The following SERAC1 variants were observed in gnomAD, a reference collection of about 807,000 sequenced individuals.
SERAC1 encodes the protein serine active site containing 1, also known as protein SERAC1.
A neutral mutation model predicts 85.7 loss-of-function variants in SERAC1; 36 were observed. That is an observed-to-expected ratio of 0.42 (90% confidence interval 0.32 to 0.55). SERAC1 has a LOEUF of 0.55. SERAC1 is among the 20% of genes least tolerant of loss of function. SERAC1 has a pLI of 0.11. For synonymous variants in SERAC1, 242 were observed against 265.3 expected (o/e 0.91, Z 0.85); for missense variants, 629 against 796.2 (o/e 0.79, Z 2.53).
intron 12 of SERAC1, among the ~76,000 whole-genome samples, chr6:158,118,358 G>A (rs995601714): frequency 6.6e-6 from 1 of 152,170 alleles, no homozygotes; most frequent in Non-Finnish European, 1.5e-5. Flanking sequence ...CTATTCACAC[G>A]TATATGCAGC....
At chr6:158,165,557 C>G (rs953300102) in intron 1 of SERAC1, among the ~76,000 whole-genome samples, 1 of 152,172 alleles carries the variant, frequency 6.6e-6, no homozygotes, top group Non-Finnish European at 1.5e-5. Context: ...ACTTGGATGT[C>G]CAACAGGCCT....
chr6:158,149,207 T>A (rs1442354303), intron 4 of SERAC1, among the ~76,000 whole-genome samples: 29 of 152,176 alleles, frequency 1.9e-4, no homozygotes, highest in Non-Finnish European at 1.5e-5. Flanking sequence ...TTAGCCAGGA[T>A]GGTCTTGATC....
chr6:158,131,078 A>G (rs893698352), intron 8 of SERAC1, among the ~76,000 whole-genome samples: 2 of 151,934 alleles, frequency 1.3e-5, no homozygotes, highest in Non-Finnish European at 2.9e-5. Context: ...ACATAAATAA[A>G]AACATTTCAA....
chr6:158,144,349 T>C lies in SERAC1; in HGVS notation c.559A>G (p.Ser187Gly). 1 of 1,612,202 alleles carries C rather than the reference T, an allele frequency of 6.2e-7. No homozygotes were observed. The highest frequency in any genetic ancestry group is 1.3e-5 in the African/African-American group (1 of 74,988). Residue 187 changes from serine (S) to glycine (G), a missense_variant, in exon 7 of 17, where the codon AGT (serine) becomes GGT (glycine). Physicochemically the swap from Ser to Gly is moderately conservative, Grantham distance 56 (BLOSUM62 0). Transcript: ENST00000647468. ...TLIGLARSEESDLRFFLLPPP... is the reference protein window; with the variant it reads ...TLIGLARSEEGDLRFFLLPPP... ...GGTAGGAGAAAAAAGCGAAGATCAC[T>C]CTCTTCGCTTCGTGCCAAACCAATA...
chr6:158,131,059 CAT>C (rs1046489901), intron 8 of SERAC1, among the ~76,000 whole-genome samples: 1 of 151,920 alleles, frequency 6.6e-6, no homozygotes, highest in Non-Finnish European at 1.5e-5. Context: ...CTATTTCTAA[CAT>C]ATTAAAACAT....
intron 8 of SERAC1, among the ~76,000 whole-genome samples, chr6:158,141,334 G>A (rs1784910636): frequency 6.6e-6 from 1 of 152,134 alleles, no homozygotes; most frequent in Non-Finnish European, 1.5e-5. Context: ...TTTGGGGGAT[G>A]GTGAAAATAT....
At position 158,117,267 on chromosome 6, in the gene SERAC1, G is replaced by A. The variant is rs1784311373; in HGVS notation, c.1403+460C>T. The A allele has an allele frequency of 2.2e-5, 11 of 505,202 alleles. No individual in the cohort carries two copies. Among genetic ancestry groups the A allele is most frequent in the South Asian group, 8.9e-5 (3 of 33,864 alleles). 31.3% of individuals were successfully genotyped at this position (505,202 alleles called of 1,614,324 possible). A position where few individuals can be genotyped will look rare whatever the true frequency, so the allele number is the denominator to read the frequency against. On this transcript the variant is annotated intron_variant, in intron 13 of 16. Transcript: ENST00000647468. This position sits in a 1 kb window ranked among gnomAD's most constrained non-coding sequence, Gnocchi z 4.3. Reference sequence around the variant, plus strand: ...GCACAGCAAATCAAAGGTAGGATCCGGCTACTCTCAGTCCAGTAACTCTGA... The same window carrying A: ...GCACAGCAAATCAAAGGTAGGATCCAGCTACTCTCAGTCCAGTAACTCTGA...
chr6:158,151,658 C>A (rs1785207765), intron 3 of SERAC1, among the ~76,000 whole-genome samples: 1 of 152,138 alleles, frequency 6.6e-6, no homozygotes, highest in African/African-American at 2.4e-5. Flanking sequence ...ATCTCCTGAC[C>A]TTGTGATCCA....
intron 3 of SERAC1, among the ~76,000 whole-genome samples, chr6:158,150,866 C>A (rs955847191): frequency 1.3e-5 from 2 of 152,178 alleles, no homozygotes; most frequent in African/African-American, 4.8e-5. Context: ...ACACATTACT[C>A]ACGTTTGTGG....
chr6:158,163,309 T>C (rs1051197922), intron 1 of SERAC1, among the ~76,000 whole-genome samples: 7 of 152,352 alleles, frequency 4.6e-5, no homozygotes, highest in African/African-American at 1.7e-4. Flanking sequence ...ACACGAGATA[T>C]ATGAGGTTGC....
chr6:158,123,826 A>G (rs1784473800), intron 10 of SERAC1, among the ~76,000 whole-genome samples: 1 of 152,212 alleles, frequency 6.6e-6, no homozygotes, highest in Admixed American at 6.5e-5. Flanking sequence ...GAATAAAAAG[A>G]GTGATGGATT....
At chr6:158,122,903 C>T (rs909603156) in intron 10 of SERAC1, among the ~76,000 whole-genome samples, 7 of 152,196 alleles carry the variant, frequency 4.6e-5, no homozygotes, top group African/African-American at 1.7e-4. Context: ...CAACTTCATT[C>T]CTTTGAACTA....
chr6:158,125,401 G>A (rs959934499), intron 10 of SERAC1, among the ~76,000 whole-genome samples: 3 of 152,090 alleles, frequency 2.0e-5, no homozygotes, highest in Non-Finnish European at 2.9e-5. Context: ...GCCATGTGAC[G>A]ATAAAACAAT....
chr6:158,139,694 A>G lies in SERAC1; in HGVS notation c.738+3362T>C, dbSNP rs571746844. ...GCATGTTATGATTTTGCCTGTGAAT[A>G]GCTACTGCATTCCAGCCTGGGCAAC... On this transcript the variant is annotated intron_variant, in intron 8 of 16. Transcript: ENST00000647468. 4.0e-4 allele frequency among the ~76,000 whole-genome samples: 61 copies of G among 152,180 alleles called. 1 individual carries two copies. The highest frequency in any genetic ancestry group is 1.7e-3 in the South Asian group (8 of 4,838).
chr6:158,155,091 G>A (rs936778941), intron 3 of SERAC1, among the ~76,000 whole-genome samples: 2 of 152,216 alleles, frequency 1.3e-5, no homozygotes, highest in African/African-American at 4.8e-5. Context: ...TGCCTGGCAG[G>A]CAGAGTTCCT....
At chr6:158,135,229 A>G (rs951951839) in intron 8 of SERAC1, among the ~76,000 whole-genome samples, 31 of 152,262 alleles carry the variant, frequency 2.0e-4, no homozygotes, top group Admixed American at 1.9e-3. Flanking sequence ...TAGATTTTTT[A>G]AAAAGAAAAA....
rs770263972 is a variant in SERAC1, at chr6:158,158,351, C to T, written c.13G>A (p.Ala5Thr). 23 of 1,612,942 alleles carry T rather than the reference C, an allele frequency of 1.4e-5. No homozygotes were observed. The highest frequency in any genetic ancestry group is 2.0e-5 in the Non-Finnish European group (23 of 1,179,076). Reference sequence around the variant, plus strand: ...CTTCTGCAACAGATGACGCAATAAGCAGCCAGGGACATTCTGTGTAAGTAG... The same window carrying T: ...CTTCTGCAACAGATGACGCAATAAGTAGCCAGGGACATTCTGTGTAAGTAG... Reference protein sequence around the residue: MSLAAYCVICCRRIG... With the variant: MSLATYCVICCRRIG... The change falls in exon 2 of 17, where the codon GCT becomes ACT. Residue 5 changes from alanine (A) to threonine (T), a missense_variant. By Grantham distance (58) the Ala-to-Thr change is moderately conservative (BLOSUM62 0). Transcript: ENST00000647468.
chr6:158,115,557 C>T (rs1011391744), intron 14 of SERAC1, among the ~76,000 whole-genome samples: 1 of 152,230 alleles, frequency 6.6e-6, no homozygotes, highest in African/African-American at 2.4e-5. Flanking sequence ...ATCCCCACCT[C>T]AGAGGCAATC....
intron 8 of SERAC1, among the ~76,000 whole-genome samples, chr6:158,140,500 A>G (rs551903248): frequency 6.6e-6 from 1 of 152,336 alleles, no homozygotes; most frequent in Admixed American, 6.5e-5. Flanking sequence ...TGCCCTACGC[A>G]TGTCTTCCAT....
Sources: allele counts gnomAD v4.1 joint callset (sites outside exome capture counted in the v4.1 genomes callset), GRCh38; gene constraint gnomAD v4.1.1; non-coding constraint Gnocchi (gnomAD v3.1); transcripts MANE v1.5; gene names NCBI Gene and HGNC (gene_info 2026-07-23, HGNC 2026-07-21).